The following GLIS3 variants were observed in gnomAD, a reference collection of about 807,000 sequenced individuals.
GLIS3 encodes zinc finger protein GLIS3.
Under a neutral mutation model 78.6 loss-of-function variants are expected in GLIS3, and 53 were observed. The observed-to-expected ratio is 0.67, with a 90% CI of 0.54 to 0.85. The LOEUF (loss-of-function observed/expected upper bound fraction) is 0.85. Among genes scored for constraint, GLIS3 ranks in the 40% least tolerant of loss-of-function variants. GLIS3 has a pLI of 0.00. For synonymous variants in GLIS3, 684 were observed against 509.9 expected (o/e 1.34, Z -4.60); for missense variants, 1,703 against 1,231.1 (o/e 1.38, Z -5.74).
chr9:4,481,290 C>A, the GLIS3 span, among the ~76,000 whole-genome samples: 4 of 152,118 alleles, frequency 2.6e-5, no homozygotes, highest in Non-Finnish European at 5.9e-5. Context: ...TCAAGACCAG[C>A]CTGGCCAACA....
the GLIS3 span, among the ~76,000 whole-genome samples, chr9:4,458,752 C>T: frequency 2.0e-5 from 3 of 152,072 alleles, no homozygotes; most frequent in Non-Finnish European, 2.9e-5. Flanking sequence ...GAGATGAGAT[C>T]GCACCACTGC....
intron 4 of GLIS3, among the ~76,000 whole-genome samples, chr9:3,981,562 T>C (rs1819290149): frequency 6.6e-6 from 1 of 152,056 alleles, no homozygotes; most frequent in African/African-American, 2.4e-5. Flanking sequence ...TCCTAGACCA[T>C]AAACTTAGAG....
chr9:4,167,040 A>T (rs1297766497), intron 2 of GLIS3, among the ~76,000 whole-genome samples: 2 of 152,246 alleles, frequency 1.3e-5, no homozygotes, highest in Non-Finnish European at 1.5e-5. Context: ...CGAACAAAAC[A>T]TTGACGCAAG....
At chr9:4,026,061 C>G (rs622308) in intron 4 of GLIS3, among the ~76,000 whole-genome samples, 27,253 of 152,130 alleles carry the variant, frequency 0.18, 6,255 homozygotes, top group African/African-American at 0.54. Context: ...ATAATCCCTA[C>G]AACATTAACA....
At chr9:4,135,723 T>C (rs895862232) in intron 2 of GLIS3, among the ~76,000 whole-genome samples, 5 of 152,170 alleles carry the variant, frequency 3.3e-5, no homozygotes, top group Admixed American at 2.6e-4. Context: ...ATCAAGTATA[T>C]GAAAGAACTT....
At chr9:4,250,889 C>T (rs1370548394) in intron 2 of GLIS3, among the ~76,000 whole-genome samples, 2 of 152,178 alleles carry the variant, frequency 1.3e-5, no homozygotes, top group East Asian at 3.8e-4. Context: ...CATTCAGGAG[C>T]AGGTTGTTCA....
intron 9 of GLIS3, among the ~76,000 whole-genome samples, chr9:3,837,058 A>G (rs1402310879): frequency 1.3e-5 from 2 of 152,210 alleles, no homozygotes; most frequent in African/African-American, 4.8e-5. Flanking sequence ...TTCCCACAGA[A>G]TAAGGATATT....
chr9:4,211,126 A>T (rs904680979), intron 2 of GLIS3, among the ~76,000 whole-genome samples: 1 of 152,220 alleles, frequency 6.6e-6, no homozygotes. Flanking sequence ...ACCAGCATCT[A>T]GCTCCATCCT....
chr9:4,195,605 C>A (rs761665487), intron 2 of GLIS3, among the ~76,000 whole-genome samples: 115 of 152,376 alleles, frequency 7.5e-4, no homozygotes, highest in Non-Finnish European at 1.5e-3. Flanking sequence ...GCGGCCTGAG[C>A]CTCCCAGATG....
At chr9:4,075,400 T>G (rs1238966246) in intron 4 of GLIS3, among the ~76,000 whole-genome samples, 1 of 79,042 alleles carries the variant, frequency 1.3e-5, no homozygotes, top group East Asian at 6.3e-4. Flanking sequence ...AACCCGTCTC[T>G]ACTAAAAATA....
chr9:4,131,081 C>A (rs1564094807), intron 2 of GLIS3, among the ~76,000 whole-genome samples: 1 of 152,194 alleles, frequency 6.6e-6, no homozygotes, highest in Non-Finnish European at 1.5e-5. Flanking sequence ...TTGGGGCTTG[C>A]ATAGGACCTA....
At chr9:4,220,976 C>A (rs1397788284) in intron 2 of GLIS3, among the ~76,000 whole-genome samples, 1 of 152,056 alleles carries the variant, frequency 6.6e-6, no homozygotes. Flanking sequence ...CACAGCAAGA[C>A]CCTGTCTCTA....
At chr9:4,085,871 A>T (rs1474856755) in intron 4 of GLIS3, among the ~76,000 whole-genome samples, 1 of 152,184 alleles carries the variant, frequency 6.6e-6, no homozygotes, top group Non-Finnish European at 1.5e-5. Flanking sequence ...CCACAGAAGC[A>T]CATGCCACTA....
intron 2 of GLIS3, among the ~76,000 whole-genome samples, chr9:4,209,114 T>C (rs7034250): frequency 0.64 from 97,514 of 151,976 alleles, 31,568 homozygotes; most frequent in Middle Eastern, 0.71. Flanking sequence ...AGTCCTAAGA[T>C]TTTCTTCCTG....
rs1236691757 is a variant in GLIS3 at position 4,082,907 on chromosome 9, C to T, written c.1710+34861G>A. ...TCGACACCTCTTTTTGTTCCAAGGC[C>T]CATGGTCATAAAAAAGTTATGTTTT... On this transcript the variant is annotated intron_variant, in intron 4 of 10. Transcript: ENST00000381971. Among the ~76,000 whole-genome samples, 5 of 152,036 alleles carry T rather than the reference C, an allele frequency of 3.3e-5. No individual in the cohort carries two copies. The South Asian group carries it at 6.2e-4, about 19-fold the overall frequency.
the GLIS3 span, among the ~76,000 whole-genome samples, chr9:4,367,057 C>A: frequency 6.6e-6 from 1 of 152,230 alleles, no homozygotes; most frequent in Admixed American, 6.5e-5. Flanking sequence ...TTTATCTATA[C>A]CTTTCCAGAG....
At chr9:4,172,867 G>T (rs934534435) in intron 2 of GLIS3, among the ~76,000 whole-genome samples, 1 of 152,180 alleles carries the variant, frequency 6.6e-6, no homozygotes, top group African/African-American at 2.4e-5. Context: ...CAGGCAGATG[G>T]AAATACTGCA....
At chr9:3,832,758 A>G (rs995115145) in intron 9 of GLIS3, among the ~76,000 whole-genome samples, 8 of 152,200 alleles carry the variant, frequency 5.3e-5, no homozygotes, top group African/African-American at 1.9e-4. Context: ...CTATATCTTT[A>G]TGCAAACTCT....
At chr9:4,373,146 C>G in the GLIS3 span, among the ~76,000 whole-genome samples, 2 of 152,170 alleles carry the variant, frequency 1.3e-5, no homozygotes, top group Non-Finnish European at 2.9e-5. Flanking sequence ...TGTGATTTCC[C>G]CATCTCAAAA....
Sources: gnomAD v4.1 joint callset for allele counts (sites outside exome capture counted in the v4.1 genomes callset) on GRCh38, gnomAD v4.1.1 for gene constraint, MANE v1.5 for transcripts, NCBI Gene and HGNC (gene_info 2026-07-23, HGNC 2026-07-21) for gene names.